Variants in SHANK2 observed in about 807,000 individuals in gnomAD.
SHANK2 encodes SH3 and multiple ankyrin repeat domains protein 2.
A neutral mutation model predicts 133.7 loss-of-function variants in SHANK2; 43 were observed. The observed-to-expected ratio is 0.32, with a 90% CI of 0.25 to 0.41. The LOEUF (loss-of-function observed/expected upper bound fraction) is 0.41. Ranked by LOEUF, SHANK2 falls within the 10% of genes least tolerant of loss-of-function variation. The probability of loss-of-function intolerance (pLI) is 1.00; values close to 1 mark genes in which losing one functional copy is unlikely to be tolerated. For synonymous variants in SHANK2, 1,017 were observed against 952.8 expected (o/e 1.07, Z -1.24); for missense variants, 1,994 against 2,235.8 (o/e 0.89, Z 2.18).
intron 17 of SHANK2, among the ~76,000 whole-genome samples, chr11:70,583,189 G>A (rs61885909): frequency 0.016 from 2,472 of 152,284 alleles, 31 homozygotes; most frequent in Non-Finnish European, 0.024. Context: ...TACGGGCTCA[G>A]GTATGGCTCC....
In SHANK2 at chr11:70,485,587, T is replaced by C. The variant is rs1468710258; in HGVS notation, c.4706A>G (p.Glu1569Gly). The C allele has an allele frequency of 1.2e-6, 2 of 1,613,758 alleles. No homozygotes were observed. The highest frequency in any genetic ancestry group is 2.7e-5 in the African/African-American group (2 of 74,930). Residue 1569 changes from glutamate to glycine, a missense_variant, in exon 25 of 26, where the codon GAA (glutamate) becomes GGA (glycine). Transcript: ENST00000601538. This position sits in a 1 kb window ranked among gnomAD's most constrained non-coding sequence, Gnocchi z 5.8. Reference sequence around the variant, plus strand: ...GATAACAAAGCTATCTACATCTTCTTCCACGAGCGCGTCTTGATAAAGTGC... The same window carrying C: ...GATAACAAAGCTATCTACATCTTCTCCCACGAGCGCGTCTTGATAAAGTGC... ...SNALYQDALV[E>G]EDVDSFVIPP...
intron 17 of SHANK2, among the ~76,000 whole-genome samples, chr11:70,640,957 C>A (rs2061170758): frequency 6.6e-6 from 1 of 152,200 alleles, no homozygotes; most frequent in African/African-American, 2.4e-5. Flanking sequence ...CGCTTGAGGC[C>A]TGAAGGTTCA....
At chr11:70,603,717 C>G (rs1317371577) in intron 17 of SHANK2, 1 of 152,740 alleles carries the variant, frequency 6.5e-6, no homozygotes, top group East Asian at 1.9e-4. Context: ...TTGGTGCTTT[C>G]AGAAAAACTC....
chr11:70,505,488 G>T (rs543143846), intron 17 of SHANK2, among the ~76,000 whole-genome samples: 2 of 152,216 alleles, frequency 1.3e-5, no homozygotes, highest in Admixed American at 1.3e-4. Context: ...CTGGCCACTA[G>T]ATCCCCAGGG....
chr11:71,087,732 G>A (rs988952114), intron 8 of SHANK2, among the ~76,000 whole-genome samples: 4 of 152,118 alleles, frequency 2.6e-5, no homozygotes, highest in African/African-American at 4.8e-5. Context: ...GGGTTCAAGC[G>A]ATTTGCACGC....
At chr11:71,150,496 T>C (rs1226773478) in intron 2 of SHANK2, among the ~76,000 whole-genome samples, 1 of 151,902 alleles carries the variant, frequency 6.6e-6, no homozygotes, top group Non-Finnish European at 1.5e-5. Flanking sequence ...TGCTGCCAAT[T>C]ATTCACATTA....
chr11:70,633,896 G>C (rs1243179107), intron 17 of SHANK2: 2 of 152,292 alleles, frequency 1.3e-5, no homozygotes, highest in Non-Finnish European at 2.9e-5. Flanking sequence ...TCCATTTATA[G>C]GAAGTGGGAA....
At chr11:70,616,327 C>A (rs782680442) in intron 17 of SHANK2, among the ~76,000 whole-genome samples, 1 of 152,184 alleles carries the variant, frequency 6.6e-6, no homozygotes, top group Middle Eastern at 3.4e-3. Flanking sequence ...ACTGGGCTGT[C>A]GGAACTGGCT....
intron 11 of SHANK2, among the ~76,000 whole-genome samples, chr11:70,883,413 C>A (rs781783903): frequency 1.3e-5 from 2 of 152,152 alleles, no homozygotes; most frequent in Non-Finnish European, 2.9e-5. Flanking sequence ...TGTAGGAAAC[C>A]AACAGCCAAA....
At chr11:71,213,968 T>A (rs1290242916) in intron 2 of SHANK2, among the ~76,000 whole-genome samples, 4 of 151,894 alleles carry the variant, frequency 2.6e-5, no homozygotes, top group African/African-American at 9.7e-5. Flanking sequence ...CTTTTTCAAC[T>A]CCTGTTCACC....
At chr11:70,785,880 C>G (rs782475509) in intron 14 of SHANK2, among the ~76,000 whole-genome samples, 1 of 152,160 alleles carries the variant, frequency 6.6e-6, no homozygotes, top group Non-Finnish European at 1.5e-5. Flanking sequence ...ATGCTCTGTC[C>G]GCTTCAGGGA....
intron 14 of SHANK2, among the ~76,000 whole-genome samples, chr11:70,712,590 C>G (rs1362190299): frequency 2.0e-5 from 3 of 152,238 alleles, no homozygotes; most frequent in Non-Finnish European, 4.4e-5. Flanking sequence ...TTCCCAGATA[C>G]AAACAACACT....
At chr11:70,725,244 A>G (rs1346827087) in intron 14 of SHANK2, among the ~76,000 whole-genome samples, 1 of 152,258 alleles carries the variant, frequency 6.6e-6, no homozygotes, top group Non-Finnish European at 1.5e-5. Context: ...TTTCCCTACA[A>G]TATTCATAAA....
At chr11:70,844,062 A>G (rs1181752940) in intron 11 of SHANK2, among the ~76,000 whole-genome samples, 4 of 152,130 alleles carry the variant, frequency 2.6e-5, no homozygotes, top group South Asian at 2.1e-4. Flanking sequence ...TGAGTCCCCA[A>G]GGTGGTGGGA....
chr11:70,726,795 G>A (rs1029301157), intron 14 of SHANK2, among the ~76,000 whole-genome samples: 1 of 152,188 alleles, frequency 6.6e-6, no homozygotes, highest in East Asian at 1.9e-4. Context: ...AATAGCATGT[G>A]GTGCAATTGA....
At chr11:70,905,403 C>T (rs1317482490) in intron 10 of SHANK2, among the ~76,000 whole-genome samples, 2 of 152,184 alleles carry the variant, frequency 1.3e-5, no homozygotes, top group South Asian at 4.1e-4. Flanking sequence ...TGCTGTGATG[C>T]TCTTCCTGCT....
chr11:70,550,101 G>C (rs1421115098), intron 17 of SHANK2, among the ~76,000 whole-genome samples: 2 of 152,184 alleles, frequency 1.3e-5, no homozygotes, highest in African/African-American at 4.8e-5. Context: ...GCTCCCGCCA[G>C]GCTCCCCTCT....
intron 10 of SHANK2, among the ~76,000 whole-genome samples, chr11:70,928,017 G>A (rs1190485079): frequency 6.6e-6 from 1 of 152,112 alleles, no homozygotes; most frequent in Non-Finnish European, 1.5e-5. Flanking sequence ...GTAATCACAT[G>A]CGCCAATTCC....
chr11:70,620,583 G>A (rs966035263), intron 17 of SHANK2, among the ~76,000 whole-genome samples: 3 of 144,800 alleles, frequency 2.1e-5, no homozygotes, highest in Non-Finnish European at 4.5e-5. Context: ...ATTAAGGCTT[G>A]TCTTGCCCCC....
Sources: gnomAD v4.1 joint callset for allele counts (sites outside exome capture counted in the v4.1 genomes callset) on GRCh38, gnomAD v4.1.1 for gene constraint, Gnocchi (gnomAD v3.1) non-coding constraint, MANE v1.5 for transcripts, NCBI Gene and HGNC (gene_info 2026-07-23, HGNC 2026-07-21) for gene names.